The following EGF variants were observed in gnomAD, a reference collection of about 807,000 sequenced individuals.
EGF encodes pro-epidermal growth factor.
Under a neutral mutation model 143.8 loss-of-function variants are expected in EGF, and 95 were observed. That is an observed-to-expected ratio of 0.66 (90% confidence interval 0.56 to 0.78). EGF has a LOEUF of 0.78. Ranked by LOEUF, EGF falls within the 30% of genes least tolerant of loss-of-function variation. The probability of loss-of-function intolerance (pLI) is 0.00; values close to 1 mark genes in which losing one functional copy is unlikely to be tolerated. For missense variants in EGF, 1,320 were observed against 1,470.9 expected, an observed-to-expected ratio of 0.90 and a Z score of 1.68; for synonymous variants, 510 against 510.5, an observed-to-expected ratio of 1.00 and a Z score of 0.01.
intron 1 of EGF, among the ~76,000 whole-genome samples, chr4:109,920,421 C>G (rs1737561209): frequency 6.6e-6 from 1 of 151,652 alleles, no homozygotes; most frequent in South Asian, 2.1e-4. Flanking sequence ...ATCACTTTAT[C>G]TCACTGGTGT....
At chr4:109,934,106 A>T (rs546247375) in intron 1 of EGF, among the ~76,000 whole-genome samples, 1 of 152,306 alleles carries the variant, frequency 6.6e-6, no homozygotes, top group African/African-American at 2.4e-5. Context: ...CTTTTTAATG[A>T]TCGCCATTCT....
In EGF at chr4:110,008,134, C is replaced by G. The variant is rs751366823; in HGVS notation, c.3292-18C>G. On this transcript the variant is annotated intron_variant, in intron 22 of 23. Transcript: ENST00000265171. Reference sequence around the variant, plus strand: ...AATTTTAACAATATCCTCTCTCCCTCCTTTTTGTTGTCTGCAGTTTGTGGT... The same window carrying G: ...AATTTTAACAATATCCTCTCTCCCTGCTTTTTGTTGTCTGCAGTTTGTGGT... 3.1e-6 allele frequency: 5 copies of G among 1,608,512 alleles called. No homozygotes were observed. In the African/African-American group the frequency reaches 6.7e-5, roughly 22 times the overall value.
intron 1 of EGF, among the ~76,000 whole-genome samples, chr4:109,922,483 G>A (rs995305143): frequency 6.6e-6 from 1 of 151,688 alleles, no homozygotes; most frequent in Non-Finnish European, 1.5e-5. Context: ...TTTAACATGA[G>A]CTATGTTGAC....
At chr4:110,003,914 A>G (rs970477787) in intron 21 of EGF, among the ~76,000 whole-genome samples, 27 of 152,088 alleles carry the variant, frequency 1.8e-4, no homozygotes, top group African/African-American at 6.5e-4. Flanking sequence ...AGAGCAGCCT[A>G]GGCTTTGTGT....
Position 109,945,130 on chromosome 4 carries a change from A to G in EGF, c.795A>G (p.Lys265=), listed in dbSNP as rs1488323339. The G allele has an allele frequency of 6.2e-7, 1 of 1,614,186 alleles. No homozygotes were observed. Among genetic ancestry groups the G allele is most frequent in the Non-Finnish European group, 8.5e-7 (1 of 1,180,036 alleles). The change falls in exon 5 of 24, where the codon AAA becomes AAG. Residue 265 remains lysine (K), a synonymous_variant. Transcript: ENST00000265171. ...ACCGTATCTTCTATTCAACATGGAA[A>G]ATGAAGACAATTTGGATAGCCAACA... ...FGDRIFYSTW[K]MKTIWIANKH...
At chr4:109,992,720 G>C (rs989160343) in intron 18 of EGF, among the ~76,000 whole-genome samples, 1 of 151,906 alleles carries the variant, frequency 6.6e-6, no homozygotes, top group African/African-American at 2.4e-5. Flanking sequence ...ATGATAGACT[G>C]GATTAAGAAA....
intron 5 of EGF, among the ~76,000 whole-genome samples, chr4:109,951,928 C>G (rs574464748): frequency 2.0e-4 from 30 of 152,184 alleles, no homozygotes; most frequent in Admixed American, 1.9e-3. Flanking sequence ...AGTCAAAACC[C>G]TATTTCTCTC....
intron 20 of EGF, among the ~76,000 whole-genome samples, chr4:109,998,102 A>T (rs1752067248): frequency 6.6e-6 from 1 of 152,174 alleles, no homozygotes; most frequent in Non-Finnish European, 1.5e-5. Context: ...ATTGCAGCTG[A>T]CTTGGATCTC....
At chr4:109,977,375 C>T (rs1252235624) in intron 13 of EGF, 3 of 152,122 alleles carry the variant, frequency 2.0e-5, no homozygotes, top group Non-Finnish European at 4.4e-5. Context: ...TAAAGATATA[C>T]TTCACAATAA....
chr4:109,936,867 T>C (rs1011597487), intron 1 of EGF, among the ~76,000 whole-genome samples: 1 of 152,230 alleles, frequency 6.6e-6, no homozygotes, highest in Non-Finnish European at 1.5e-5. Flanking sequence ...AGTTTCTTAA[T>C]CCTGAGTTCC....
chr4:109,942,212 A>C (rs140034311), intron 2 of EGF, among the ~76,000 whole-genome samples: 44 of 152,362 alleles, frequency 2.9e-4, no homozygotes, highest in African/African-American at 1.0e-3. Flanking sequence ...TTGTGAATTT[A>C]TATCAAGCCA....
intron 5 of EGF, among the ~76,000 whole-genome samples, chr4:109,946,124 C>T (rs1742821056): frequency 6.6e-6 from 1 of 152,162 alleles, no homozygotes. Context: ...TCCATTCTAC[C>T]TTCTAAATAC....
chr4:109,944,312 A>AGGCG (rs1742463000), intron 4 of EGF, among the ~76,000 whole-genome samples: 1 of 151,120 alleles, frequency 6.6e-6, no homozygotes, highest in Admixed American at 6.6e-5. Flanking sequence ...GGTGGCGAGC[A>AGGCG]CCTGTAGTCC....
intron 9 of EGF, among the ~76,000 whole-genome samples, chr4:109,964,045 A>G (rs1271076130): frequency 2.0e-5 from 3 of 152,204 alleles, no homozygotes; most frequent in Non-Finnish European, 4.4e-5. Context: ...AAAGTATACA[A>G]TCTACTAATA....
intron 11 of EGF, 45 bp downstream of exon 11, chr4:109,969,164 T>C (rs1371703151): frequency 1.9e-6 from 3 of 1,612,136 alleles, no homozygotes; most frequent in East Asian, 2.2e-5. Context: ...ATGGGAGTGA[T>C]GGGATAGGTA....
chr4:109,984,960 A>G (rs979105498), intron 16 of EGF, among the ~76,000 whole-genome samples: 1 of 152,214 alleles, frequency 6.6e-6, no homozygotes, highest in Non-Finnish European at 1.5e-5. Context: ...GGCCACAGTT[A>G]GTTGTGGAGA....
chr4:110,004,255 C>CAA, intron 21 of EGF: 3 of 468,860 alleles, frequency 6.4e-6, no homozygotes, highest in Non-Finnish European at 3.9e-6. Flanking sequence ...CACACACAAA[C>CAA]ACACACACAC....
intron 13 of EGF, among the ~76,000 whole-genome samples, chr4:109,978,107 A>C (rs567275712): frequency 2.6e-5 from 4 of 152,300 alleles, no homozygotes; most frequent in African/African-American, 9.6e-5. Flanking sequence ...ACTGGTATAT[A>C]TGTGGTGGCT....
intron 13 of EGF, among the ~76,000 whole-genome samples, chr4:109,978,103 ATAT>A (rs1748787173): frequency 2.6e-5 from 4 of 152,314 alleles, no homozygotes; most frequent in African/African-American, 9.6e-5. Context: ...ATCTACTGGT[ATAT>A]ATGTGGTGGC....
Sources: allele counts gnomAD v4.1 joint callset (sites outside exome capture counted in the v4.1 genomes callset), GRCh38; gene constraint gnomAD v4.1.1; transcripts MANE v1.5; gene names NCBI Gene and HGNC (gene_info 2026-07-23, HGNC 2026-07-21).